FKTN: variants seen among roughly 807,000 people sequenced by gnomAD.
FKTN encodes fukutin, also known as ribitol-5-phosphate transferase FKTN.
Under a neutral mutation model 58.6 loss-of-function variants are expected in FKTN, and 47 were observed. The ratio of observed to expected loss-of-function variants is 0.80; its 90% CI spans 0.63 to 1.02. The LOEUF (loss-of-function observed/expected upper bound fraction) is 1.02, where lower values mean the gene tolerates loss of function less well. FKTN is among the 50% of genes least tolerant of loss of function. The probability of loss-of-function intolerance (pLI) is 0.00; values close to 1 mark genes in which losing one functional copy is unlikely to be tolerated. For missense variants in FKTN, 516 were observed against 537.3 expected (o/e 0.96, Z 0.39); for synonymous variants, 178 against 191.9 (o/e 0.93, Z 0.60).
At chr9:105,559,029 G>A (rs1009351771) in intron 1 of FKTN, among the ~76,000 whole-genome samples, 1 of 152,196 alleles carries the variant, frequency 6.6e-6, no homozygotes, top group Non-Finnish European at 1.5e-5. Flanking sequence ...GAAAGGAACC[G>A]GGGAAATGCC....
At chr9:105,625,023 G>A (rs1031005395) in intron 10 of FKTN, among the ~76,000 whole-genome samples, 2 of 152,222 alleles carry the variant, frequency 1.3e-5, no homozygotes, top group East Asian at 3.9e-4. Context: ...TCAGTGCTTG[G>A]CACGTAATAG....
chr9:105,618,759 C>T (rs1831280519), intron 9 of FKTN, among the ~76,000 whole-genome samples: 2 of 152,086 alleles, frequency 1.3e-5, no homozygotes, highest in African/African-American at 4.8e-5. Context: ...GAGGTGTTAC[C>T]CTACAAGCAA....
At chr9:105,615,456 G>A in intron 8 of FKTN, 49 bp downstream of exon 8, 1 of 1,587,926 alleles carries the variant, frequency 6.3e-7, no homozygotes, top group Non-Finnish European at 8.6e-7. Context: ...TTTGTCCTCT[G>A]GCTTTAGGGA....
At chr9:105,560,329 T>C (rs1276802952) in intron 1 of FKTN, among the ~76,000 whole-genome samples, 1 of 152,128 alleles carries the variant, frequency 6.6e-6, no homozygotes, top group Non-Finnish European at 1.5e-5. Context: ...AATCAGTAGG[T>C]GGGGGCTGAA....
intron 10 of FKTN, among the ~76,000 whole-genome samples, chr9:105,621,267 G>C (rs1458521228): frequency 6.6e-6 from 1 of 152,096 alleles, no homozygotes; most frequent in Non-Finnish European, 1.5e-5. Context: ...GCAGAGAAAA[G>C]AACAGGAGAT....
In FKTN at chr9:105,607,967, A is replaced by ATTAT; in HGVS notation, c.780+17_780+18insTATT. 6.2e-7 allele frequency: 1 copy of ATTAT among 1,604,502 alleles called. No individual in the cohort carries two copies. Among genetic ancestry groups the ATTAT allele is most frequent in the Non-Finnish European group, 8.5e-7 (1 of 1,171,646 alleles). On this transcript the variant is annotated intron_variant, in intron 7 of 10. Transcript: ENST00000357998. ...ATTCTTTCAGGTTAGAGACAACCAAATGTGTACTTTTAAATTAAAGAAAAT... is the reference window on the plus strand; with the variant it reads ...ATTCTTTCAGGTTAGAGACAACCAAATTATTGTGTACTTTTAAATTAAAGAAAAT...
intron 3 of FKTN, among the ~76,000 whole-genome samples, chr9:105,595,216 T>C (rs767172986): frequency 3.3e-5 from 5 of 152,168 alleles, no homozygotes; most frequent in African/African-American, 9.7e-5. Flanking sequence ...TAGTTTCTTT[T>C]TGGAGTGATT....
chr9:105,600,106 C>T (rs529917824), intron 4 of FKTN, among the ~76,000 whole-genome samples: 3 of 152,114 alleles, frequency 2.0e-5, no homozygotes, highest in Admixed American at 6.5e-5. Context: ...ATTGTTTATC[C>T]TAACTTTTTA....
chr9:105,609,929 T>G (rs1829603988), intron 7 of FKTN, among the ~76,000 whole-genome samples: 1 of 152,244 alleles, frequency 6.6e-6, no homozygotes, highest in African/African-American at 2.4e-5. Context: ...TAAAACTATG[T>G]AAATATTGTT....
At chr9:105,630,781 T>G (rs1050286584) in intron 10 of FKTN, among the ~76,000 whole-genome samples, 6 of 152,188 alleles carry the variant, frequency 3.9e-5, no homozygotes, top group Admixed American at 3.9e-4. Context: ...GACATTAACA[T>G]TTTTTGATAA....
intron 1 of FKTN, among the ~76,000 whole-genome samples, chr9:105,565,365 A>G (rs557667442): frequency 6.6e-6 from 1 of 152,314 alleles, no homozygotes; most frequent in African/African-American, 2.4e-5. Flanking sequence ...AATTGGATAA[A>G]GAGTCAAGAC....
At chr9:105,570,106 A>G (rs2131902052) in intron 1 of FKTN, among the ~76,000 whole-genome samples, 1 of 152,102 alleles carries the variant, frequency 6.6e-6, no homozygotes, top group Non-Finnish European at 1.5e-5. Context: ...GGAACCAGAT[A>G]TGTGAGTTTA....
rs555291952 is a variant in FKTN at position 105,620,219 on chromosome 9, G to A, written c.1172+158G>A. On this transcript the variant is annotated intron_variant, in intron 10 of 10. Coordinates refer to ENST00000357998, the MANE Select transcript of FKTN (RefSeq NM_001079802.2). ...TTACCCATAGAGTCCAGTTATGCCT[G>A]TGAAGTAAGAATACCTGTAAGGACG... 26 of 608,448 alleles carry A rather than the reference G, an allele frequency of 4.3e-5. No individual in the cohort carries two copies. The East Asian group carries it at 7.4e-4, about 17-fold the overall frequency. The allele number at this position is 608,448 out of a possible 1,614,324, so 37.7% of individuals were successfully genotyped here.
At chr9:105,597,967 T>A in intron 4 of FKTN, 5 of 330,954 alleles carry the variant, frequency 1.5e-5, no homozygotes, top group South Asian at 1.3e-4. Flanking sequence ...TTTTAGTAAA[T>A]AGAGAGAGCA....
intron 4 of FKTN, 73 bp from the exon 5 acceptor site, chr9:105,601,072 G>T (rs934182204): frequency 1.2e-6 from 1 of 850,050 alleles, no homozygotes; most frequent in Non-Finnish European, 1.9e-6. Context: ...TACAATTAAT[G>T]AATTAAAATG....
Position 105,637,083 on chromosome 9 carries a change from TA to T in FKTN, c.*1820del. On this transcript the variant is annotated 3_prime_UTR_variant, in exon 11 of 11. Transcript: ENST00000357998. ...ATAGAGTGCATTCCCAAATTCTAAA[TA>T]GCTGACCCTAAATTCATTTTTCATG... 1 of 986,794 alleles carries T rather than the reference TA, an allele frequency of 1.0e-6. No individual in the cohort carries two copies. The highest frequency in any genetic ancestry group is 1.2e-6 in the Non-Finnish European group (1 of 829,718). 61.1% of individuals were successfully genotyped at this position (986,794 alleles called of 1,614,324 possible).
At chr9:105,591,305 G>A (rs1356069310) in intron 3 of FKTN, among the ~76,000 whole-genome samples, 1 of 152,174 alleles carries the variant, frequency 6.6e-6, no homozygotes, top group African/African-American at 2.4e-5. Flanking sequence ...TCTGAGACAA[G>A]GCAAGCCCCT....
At chr9:105,597,084 A>T (rs143531715) in intron 4 of FKTN, among the ~76,000 whole-genome samples, 120 of 152,360 alleles carry the variant, frequency 7.9e-4, no homozygotes, top group African/African-American at 2.7e-3. Flanking sequence ...AGGGGAAACC[A>T]GCAATATATA....
rs183056374 is a variant in FKTN, at chr9:105,586,366, G to A, written c.106-10232G>A. 1.1e-4 allele frequency among the ~76,000 whole-genome samples: 16 copies of A among 152,246 alleles called. 1 individual carries two copies. The highest frequency in any genetic ancestry group is 3.1e-4 in the African/African-American group (13 of 41,546). On this transcript the variant is annotated intron_variant, in intron 3 of 10. Transcript: ENST00000357998. ...GTCCTTGTGAGCATTGTCTGTGGGC[G>A]CCAACTTTCAAGTAGTTGGCTTGCA...
Sources: allele counts gnomAD v4.1 joint callset (sites outside exome capture counted in the v4.1 genomes callset), GRCh38; gene constraint gnomAD v4.1.1; transcripts MANE v1.5; gene names NCBI Gene and HGNC (gene_info 2026-07-23, HGNC 2026-07-21).